UGT1A3: variants seen among roughly 807,000 people sequenced by gnomAD.
UGT1A3 encodes the protein UDP glucuronosyltransferase family 1 member A3, also known as UDP-glucuronosyltransferase 1A3.
Under a neutral mutation model 41.0 loss-of-function variants are expected in UGT1A3, and 31 were observed. The ratio of observed to expected loss-of-function variants is 0.76; its 90% CI spans 0.57 to 1.02. The LOEUF (loss-of-function observed/expected upper bound fraction) is 1.02. UGT1A3 is among the 50% of genes least tolerant of loss of function. The pLI, the probability that UGT1A3 is intolerant of heterozygous loss-of-function variation, is 0.00. For missense variants in UGT1A3, 737 were observed against 671.0 expected (o/e 1.10, Z -1.09); for synonymous variants, 262 against 257.6 (o/e 1.02, Z -0.17).
Position 233,743,631 on chromosome 2 carries a change from G to T in UGT1A3, c.867+13638G>T, listed in dbSNP as rs1346320649. Reference sequence around the variant, plus strand: ...AAGAACTCCCTGAAGACGTCGGCTGGGTCGCGGAAGCTGAAGACGTACTCG... The same window carrying T: ...AAGAACTCCCTGAAGACGTCGGCTGTGTCGCGGAAGCTGAAGACGTACTCG... On this transcript the variant is annotated intron_variant, in intron 1 of 4. Transcript: ENST00000482026. The T allele has an allele frequency of 2.2e-6, 3 of 1,367,310 alleles. No homozygotes were observed. The East Asian group carries it at 1.4e-4, about 62-fold the overall frequency. 84.7% of individuals were successfully genotyped at this position (1,367,310 alleles called of 1,614,324 possible).
Position 233,730,172 on chromosome 2 carries a change from A to T in UGT1A3, c.867+179A>T, listed in dbSNP as rs45486905. On this transcript the variant is annotated intron_variant, in intron 1 of 4. Coordinates refer to ENST00000482026, the MANE Select transcript of UGT1A3 (RefSeq NM_019093.4). ...TAAGGGGTCTCTAGTAGCGTATTTCAGGTTTTAAATGGTCACTGAGAGGAA... is the reference window on the plus strand; with the variant it reads ...TAAGGGGTCTCTAGTAGCGTATTTCTGGTTTTAAATGGTCACTGAGAGGAA... Among the ~76,000 whole-genome samples the T allele has an allele frequency of 6.6e-5, 10 of 152,342 alleles. No homozygotes were observed. In the East Asian group the frequency reaches 1.9e-3, roughly 29 times the overall value.
At chr2:233,735,775 C>G (rs2363116) in intron 1 of UGT1A3, among the ~76,000 whole-genome samples, 81,728 of 152,006 alleles carry the variant, frequency 0.54, 23,611 homozygotes, top group African/African-American at 0.76. Context: ...ATGAAGCTTA[C>G]TTTGGCTGCA....
At chr2:233,757,537 T>TAAATATACATATAC (rs1696591664) in intron 1 of UGT1A3, among the ~76,000 whole-genome samples, 2 of 107,778 alleles carry the variant, frequency 1.9e-5, no homozygotes, top group African/African-American at 9.3e-5. Context: ...CTGTAAGGAA[T>TAAATATACATATAC]ATATATATAT....
Position 233,729,928 on chromosome 2 carries a change from C to T in UGT1A3, c.802C>T (p.Pro268Ser), listed in dbSNP as rs1300778584. The stretch of plus-strand genomic sequence containing the variant: ...GGACTTTGTGATGGACTACCCCAGG[C>T]CAATCATGCCCAACATGGTCTTCAT... The part of the protein sequence containing the change: ...RGDFVMDYPR[P>S]IMPNMVFIGG... The change falls in exon 1 of 5, where the codon CCA becomes TCA. Residue 268 changes from proline (P) to serine (S), a missense_variant. By Grantham distance (74) the Pro-to-Ser change is moderately conservative. Transcript: ENST00000482026. 2 of 1,613,898 alleles carry T rather than the reference C, an allele frequency of 1.2e-6. No individual in the cohort carries two copies. Among genetic ancestry groups the T allele is most frequent in the Non-Finnish European group, 1.7e-6 (2 of 1,179,936 alleles).
At chr2:233,733,869 C>T (rs975516121) in intron 1 of UGT1A3, among the ~76,000 whole-genome samples, 2 of 151,714 alleles carry the variant, frequency 1.3e-5, no homozygotes, top group Non-Finnish European at 2.9e-5. Context: ...GGAATAGTTT[C>T]AGAAGGAATG....
At chr2:233,770,794 T>A (rs1195503821) in intron 4 of UGT1A3, 2 of 152,196 alleles carry the variant, frequency 1.3e-5, no homozygotes, top group Non-Finnish European at 2.9e-5. Flanking sequence ...ATTATAGATA[T>A]GTTTAAAGAC....
At position 233,772,427 on chromosome 2, in the gene UGT1A3, C is replaced by A; in HGVS notation, c.1473C>A (p.Asp491Glu). The A allele has an allele frequency of 1.2e-6, 2 of 1,614,222 alleles. No individual in the cohort carries two copies. The highest frequency in any genetic ancestry group is 1.7e-6 in the Non-Finnish European group (2 of 1,180,048). ...CCTGGTACCAGTACCATTCCTTGGA[C>A]GTGATTGGTTTCCTCTTGGCCGTCG... is the stretch of plus-strand genomic sequence containing the variant. ...DLTWYQYHSL[D>E]VIGFLLAVVL... Residue 491 changes from aspartate to glutamate, a missense_variant, in exon 5 of 5, where the codon GAC becomes GAA. Physicochemically the swap from Asp to Glu is conservative, Grantham distance 45 (BLOSUM62 2). Transcript: ENST00000482026.
At chr2:233,763,966 T>C (rs189385598) in intron 1 of UGT1A3, among the ~76,000 whole-genome samples, 68 of 152,296 alleles carry the variant, frequency 4.5e-4, no homozygotes, top group Admixed American at 7.2e-4. Flanking sequence ...GGTTGAGATA[T>C]ATGTGGGTTA....
chr2:233,773,166 A>T lies in UGT1A3; in HGVS notation c.*607A>T, dbSNP rs1365431114. ...ATTGGTGGGTGGTGTATTTGAGAAGATAATCATTGCTTATGTCAAATGGAG... is the reference window on the plus strand; with the variant it reads ...ATTGGTGGGTGGTGTATTTGAGAAGTTAATCATTGCTTATGTCAAATGGAG... On this transcript the variant is annotated 3_prime_UTR_variant, in exon 5 of 5. Transcript: ENST00000482026. The T allele has an allele frequency of 6.5e-6, 1 of 153,410 alleles. No individual in the cohort carries two copies. Among genetic ancestry groups the T allele is most frequent in the Non-Finnish European group, 1.5e-5 (1 of 68,794 alleles). The allele number at this position is 153,410 out of a possible 1,614,324, so 9.5% of individuals were successfully genotyped here.
intron 1 of UGT1A3, chr2:233,743,378 C>T: frequency 3.4e-6 from 4 of 1,169,960 alleles, no homozygotes; most frequent in South Asian, 1.3e-5. Context: ...CCATCACTAC[C>T]GTAGGACATG....
chr2:233,748,071 C>T, intron 1 of UGT1A3: 3 of 1,613,372 alleles, frequency 1.9e-6, no homozygotes, highest in East Asian at 2.2e-5. Context: ...CAGGAAGCCA[C>T]TATCTCAGGT....
intron 1 of UGT1A3, among the ~76,000 whole-genome samples, chr2:233,734,101 T>TATA (rs549143261): frequency 0.029 from 4,376 of 151,364 alleles, 190 homozygotes; most frequent in African/African-American, 0.094. Flanking sequence ...AAACTTAAAG[T>TATA]ATAATAATAA....
In UGT1A3 at chr2:233,767,157, C is replaced by T; in HGVS notation, c.991C>T (p.Pro331Ser). The T allele has an allele frequency of 3.1e-6, 5 of 1,614,012 alleles. No homozygotes were observed. Among genetic ancestry groups the T allele is most frequent in the Non-Finnish European group, 4.2e-6 (5 of 1,179,992 alleles). Reference protein sequence around the residue: ...MAIADALGKIPQTVLWRYTGT... With the variant: ...MAIADALGKISQTVLWRYTGT... ...AATTGCTGATGCTTTGGGCAAAATC[C>T]CTCAGACAGTAAGAAGATTCTATAC... The change falls in exon 2 of 5, where the codon CCT becomes TCT. Residue 331 changes from proline to serine, a missense_variant. Coordinates refer to ENST00000482026, the MANE Select transcript of UGT1A3 (RefSeq NM_019093.4).
Position 233,729,605 on chromosome 2 carries a change from TGCTG to T in UGT1A3, c.483_486del (p.Ala162SerfsTer11), listed in dbSNP as rs755451015. ...GACCCCGTTAACCTCTGCGCGGCAG[TGCTG>T]GCTAAGTACCTGTCGATTCCTACTG... On this transcript the variant is annotated frameshift_variant, in exon 1 of 5. Transcript: ENST00000482026. LOFTEE classifies it high-confidence loss of function. The T allele has an allele frequency of 3.7e-6, 6 of 1,614,008 alleles. No homozygotes were observed. The highest frequency in any genetic ancestry group is 1.1e-5 in the South Asian group (1 of 91,072).
chr2:233,758,758 G>C (rs1696968653), intron 1 of UGT1A3, among the ~76,000 whole-genome samples: 1 of 152,210 alleles, frequency 6.6e-6, no homozygotes, highest in Non-Finnish European at 1.5e-5. Context: ...CCAGTGATGT[G>C]TATGGTTCAA....
At chr2:233,768,582 CTTT>C (rs139595073) in intron 4 of UGT1A3, 143 bp downstream of exon 4, 59,155 of 999,984 alleles carry the variant, frequency 0.059, 10 homozygotes, top group East Asian at 0.12. Flanking sequence ...TTTATTTCTT[CTTT>C]TTTTTTTTTT....
intron 1 of UGT1A3, chr2:233,750,809 A>C (rs893471705): frequency 1.3e-5 from 2 of 151,828 alleles, no homozygotes; most frequent in African/African-American, 4.9e-5. Context: ...AGGTTTGGGA[A>C]CCTCCACATA....
At chr2:233,771,398 A>G (rs1700304180) in intron 4 of UGT1A3, 1 of 152,164 alleles carries the variant, frequency 6.6e-6, no homozygotes, top group Non-Finnish European at 1.5e-5. Context: ...TGATTGGGCA[A>G]TGAACACTGT....
Position 233,748,142 on chromosome 2 carries a change from T to C in UGT1A3, c.867+18149T>C, listed in dbSNP as rs189249427. 1.9e-6 allele frequency: 3 copies of C among 1,607,776 alleles called. No homozygotes were observed. In the East Asian group the frequency reaches 6.7e-5, roughly 36 times the overall value. On this transcript the variant is annotated intron_variant, in intron 1 of 4. Coordinates refer to ENST00000482026, the MANE Select transcript of UGT1A3 (RefSeq NM_019093.4). ...CAAAACAGTTTTTAAAAATTGTATT[T>C]ACTTACAATTGCTTCCATATCTACT...
Sources: gnomAD v4.1 joint callset for allele counts (sites outside exome capture counted in the v4.1 genomes callset) on GRCh38, gnomAD v4.1.1 for gene constraint, MANE v1.5 for transcripts, NCBI Gene and HGNC (gene_info 2026-07-23, HGNC 2026-07-21) for gene names.